The following SCYL3 variants were observed in gnomAD, a reference collection of about 807,000 sequenced individuals.
SCYL3 encodes the protein protein-associating with the carboxyl-terminal domain of ezrin.
In SCYL3, 35 loss-of-function variants were observed where a neutral mutation model predicts 73.8. The observed-to-expected ratio is 0.47, with a 90% CI of 0.36 to 0.63. The LOEUF (loss-of-function observed/expected upper bound fraction) is 0.63, where lower values mean the gene tolerates loss of function less well. Ranked by LOEUF, SCYL3 falls within the 20% of genes least tolerant of loss-of-function variation. The pLI, the probability that SCYL3 is intolerant of heterozygous loss-of-function variation, is 0.00. For missense variants in SCYL3, 712 were observed against 798.9 expected (o/e 0.89, Z 1.31); for synonymous variants, 277 against 295.2 (o/e 0.94, Z 0.63).
chr1:169,881,041 C>A (rs1008479259), intron 2 of SCYL3, among the ~76,000 whole-genome samples: 3 of 152,148 alleles, frequency 2.0e-5, no homozygotes, highest in Non-Finnish European at 4.4e-5. Context: ...GGATTACAGG[C>A]GTGAGCCACC....
At chr1:169,878,884 A>T (rs1571437375) in intron 2 of SCYL3, 65 bp from the exon 3 acceptor site, 2 of 1,390,098 alleles carry the variant, frequency 1.4e-6, no homozygotes, top group South Asian at 2.7e-5. Context: ...TTTCATATAC[A>T]TTATGGGGGA....
At chr1:169,888,947 A>T in intron 1 of SCYL3, 57 bp from the exon 2 acceptor site, 1 of 981,470 alleles carries the variant, frequency 1.0e-6, no homozygotes, top group South Asian at 2.5e-5. Context: ...AACATCAACA[A>T]GAGATATCCA....
chr1:169,853,493 T>C lies in SCYL3; in HGVS notation c.*220A>G. 2.0e-6 allele frequency: 1 copy of C among 501,756 alleles called. No homozygotes were observed. The highest frequency in any genetic ancestry group is 3.5e-6 in the Non-Finnish European group (1 of 287,008). 31.1% of individuals were successfully genotyped at this position (501,756 alleles called of 1,614,324 possible). ...CCTCAGTCAAATGCACAAAGGCTCTTCCTCCTGGAAACCAGTACTGTGAGC... is the reference window on the plus strand; with the variant it reads ...CCTCAGTCAAATGCACAAAGGCTCTCCCTCCTGGAAACCAGTACTGTGAGC... On this transcript the variant is annotated 3_prime_UTR_variant, in exon 13 of 13. Coordinates refer to ENST00000367771, the MANE Select transcript of SCYL3 (RefSeq NM_020423.7).
chr1:169,873,670 A>G, intron 5 of SCYL3, 26 bp downstream of exon 5: 1 of 1,524,756 alleles, frequency 6.6e-7, no homozygotes. Context: ...AGGCACCTTC[A>G]TTATATGTGA....
chr1:169,876,095 GAA>G lies in SCYL3; in HGVS notation c.352-6_352-5del. The G allele has an allele frequency of 1.4e-5, 20 of 1,384,238 alleles. No homozygotes were observed. The highest frequency in any genetic ancestry group is 4.6e-5 in the Admixed American group (2 of 43,172). 85.7% of individuals were successfully genotyped at this position (1,384,238 alleles called of 1,614,324 possible). On this transcript the variant is annotated splice_region_variant and splice_polypyrimidine_tract_variant and intron_variant, in intron 3 of 12. Coordinates refer to ENST00000367771, the MANE Select transcript of SCYL3 (RefSeq NM_020423.7). ...CATTATTGTGTGTTAGGTGTCCCTG[GAA>G]AAAAAAAAGAACAGAAGGAAGAGTG...
At chr1:169,889,420 C>A (rs1202274092) in intron 1 of SCYL3, among the ~76,000 whole-genome samples, 1 of 151,804 alleles carries the variant, frequency 6.6e-6, no homozygotes, top group Non-Finnish European at 1.5e-5. Flanking sequence ...CTCATATAAA[C>A]CAAGTAAAAC....
chr1:169,889,232 A>G (rs566910557), intron 1 of SCYL3, among the ~76,000 whole-genome samples: 2 of 152,238 alleles, frequency 1.3e-5, no homozygotes, highest in African/African-American at 4.8e-5. Context: ...ACAAAGGAAA[A>G]TGTTGTAAAA....
In SCYL3 at chr1:169,878,673, G is replaced by A. The variant is rs757589807; in HGVS notation, c.312C>T (p.Ile104=). Residue 104 remains isoleucine (I), a synonymous_variant, in exon 3 of 13, where the codon ATC becomes ATT. Transcript: ENST00000367771. ...TLSSAEVCAG[I]YDILLALIFL... ...AGATAAGAGCCAGCAATATGTCATAGATCCCAGCACAGACCTCTGCAGAAG... is the reference window on the plus strand; with the variant it reads ...AGATAAGAGCCAGCAATATGTCATAAATCCCAGCACAGACCTCTGCAGAAG... 1 of 1,613,818 alleles carries A rather than the reference G, an allele frequency of 6.2e-7. No homozygotes were observed. Among genetic ancestry groups the A allele is most frequent in the East Asian group, 2.2e-5 (1 of 44,870 alleles).
Position 169,854,540 on chromosome 1 carries a change from G to T in SCYL3, c.1737C>A (p.Asp579Glu), listed in dbSNP as rs1263676620. The T allele has an allele frequency of 1.2e-6, 2 of 1,613,940 alleles. No individual in the cohort carries two copies. The highest frequency in any genetic ancestry group is 1.7e-4 in the Middle Eastern group (1 of 6,058). Reference sequence around the variant, plus strand: ...ATGACACTTTTGGCGGCTCGATTTGGTCTGCGTCATCCCCCCTTTGTACAA... The same window carrying T: ...ATGACACTTTTGGCGGCTCGATTTGTTCTGCGTCATCCCCCCTTTGTACAA... ...ISLVQRGDDADQIEPPKVSSQ... is the reference protein window; with the variant it reads ...ISLVQRGDDAEQIEPPKVSSQ... Residue 579 changes from aspartate (D) to glutamate (E), a missense_variant, in exon 12 of 13, where the codon GAC becomes GAA. Asp to Glu is a conservative substitution (Grantham distance 45). This residue lies in a region of SCYL3 where 370 missense variants were observed against 350.8 expected (regional missense o/e 1.05). Transcript: ENST00000367771.
At chr1:169,859,250 A>G (rs766302220) in intron 10 of SCYL3, 38 bp from the exon 11 acceptor site, 1 of 1,570,048 alleles carries the variant, frequency 6.4e-7, no homozygotes, top group Non-Finnish European at 8.6e-7. Context: ...GACAACCACA[A>G]TACCTATCTC....
chr1:169,885,194 A>G (rs149689258), intron 2 of SCYL3, among the ~76,000 whole-genome samples: 109 of 152,354 alleles, frequency 7.2e-4, no homozygotes, highest in African/African-American at 2.4e-3. Flanking sequence ...ATTGTTAAAT[A>G]TGAATAGTAT....
chr1:169,871,713 C>T (rs547606699), intron 5 of SCYL3, among the ~76,000 whole-genome samples: 3 of 152,284 alleles, frequency 2.0e-5, no homozygotes, highest in South Asian at 4.1e-4. Context: ...GTGATATGAA[C>T]AATAAGGTCC....
chr1:169,859,364 G>T, intron 10 of SCYL3, 152 bp from the exon 11 acceptor site: 1 of 633,932 alleles, frequency 1.6e-6, no homozygotes, highest in Non-Finnish European at 2.5e-6. Flanking sequence ...CAAACTACCT[G>T]TGGTAAAAGA....
chr1:169,893,399 A>C (rs1244820104), intron 1 of SCYL3, among the ~76,000 whole-genome samples: 2 of 151,660 alleles, frequency 1.3e-5, no homozygotes, highest in Non-Finnish European at 2.9e-5. Flanking sequence ...CCAGCCGAGC[A>C]CCCTCGCCCT....
rs145243783 is a variant in SCYL3 at position 169,870,732 on chromosome 1, G to A, written c.523-375C>T. On this transcript the variant is annotated intron_variant, in intron 5 of 12. Transcript: ENST00000367771. Reference sequence around the variant, plus strand: ...AGTGCTTAGCCTTACTATCTAAGATGCCCAAAGACATGTTCTTTTATTCTT... The same window carrying A: ...AGTGCTTAGCCTTACTATCTAAGATACCCAAAGACATGTTCTTTTATTCTT... 3.7e-3 allele frequency among the ~76,000 whole-genome samples: 554 copies of A among 151,520 alleles called. 5 individuals carry two copies. The highest frequency in any genetic ancestry group is 0.013 in the African/African-American group (522 of 41,352).
At position 169,878,772 on chromosome 1, in the gene SCYL3, A is replaced by G; in HGVS notation, c.213T>C (p.Cys71=). 6.2e-7 allele frequency: 1 copy of G among 1,613,812 alleles called. No individual in the cohort carries two copies. Among genetic ancestry groups the G allele is most frequent in the Non-Finnish European group, 8.5e-7 (1 of 1,179,930 alleles). The change falls in exon 3 of 13, where the codon TGT becomes TGC. Residue 71 remains cysteine (C), a synonymous_variant. Coordinates refer to ENST00000367771, the MANE Select transcript of SCYL3 (RefSeq NM_020423.7). ...RHPCLLRFLS[C]TVEADGIHLV... is the part of the protein sequence containing the mutation. ...GATGAATGCCATCCGCTTCCACAGT[A>G]CAAGATAAAAATCTTAGCAAGCAAG...
Position 169,859,042 on chromosome 1 carries a change from T to C in SCYL3, c.1311A>G (p.Glu437=), listed in dbSNP as rs1309512876. ...GTTAGACCTTTTAATAATTCTTACC[T>C]TCTAGAGAAAGGTCAGTATTTTTAG... ...SFTKNTDLSL[E]GDPFSQPIKF... The change falls in exon 11 of 13, where the codon GAA becomes GAG. Residue 437 remains glutamate, a splice_region_variant and synonymous_variant. Transcript: ENST00000367771. The C allele has an allele frequency of 1.4e-5, 22 of 1,612,168 alleles. No individual in the cohort carries two copies. The highest frequency in any genetic ancestry group is 1.7e-5 in the Admixed American group (1 of 59,372).
Position 169,879,956 on chromosome 1 carries a change from A to ATAAAAAATGTTT in SCYL3, c.166-1149_166-1138dup, listed in dbSNP as rs1258823786. On this transcript the variant is annotated intron_variant, in intron 2 of 12. Transcript: ENST00000367771. ...TTGAAAATATTAACCAATCTGAAGA[A>ATAAAAAATGTTT]TAAAAAATGTTTTAAAAAATGATCA... Among the ~76,000 whole-genome samples, 7 of 152,162 alleles carry ATAAAAAATGTTT rather than the reference A, an allele frequency of 4.6e-5. No homozygotes were observed. In the East Asian group the frequency reaches 1.3e-3, roughly 29 times the overall value.
At chr1:169,862,972 G>C (rs1455383238) in intron 9 of SCYL3, among the ~76,000 whole-genome samples, 175 bp from the exon 10 acceptor site, 1 of 152,062 alleles carries the variant, frequency 6.6e-6, no homozygotes, top group Admixed American at 6.5e-5. Context: ...GAGTGCAGTG[G>C]CGCGATCTCG....
Sources: allele counts gnomAD v4.1 joint callset (sites outside exome capture counted in the v4.1 genomes callset), GRCh38; gene constraint gnomAD v4.1.1; regional missense constraint gnomAD v4.1.1; transcripts MANE v1.5; gene names NCBI Gene and HGNC (gene_info 2026-07-23, HGNC 2026-07-21).